Variants in YAP1 observed in about 807,000 individuals in gnomAD.
YAP1 encodes Yes1 associated transcriptional regulator.
Under a neutral mutation model 56.9 loss-of-function variants are expected in YAP1, and 5 were observed. The ratio of observed to expected loss-of-function variants is 0.09; its 90% CI spans 0.05 to 0.18. The LOEUF is 0.18. Ranked by LOEUF, YAP1 falls within the 10% of genes least tolerant of loss-of-function variation. The pLI is 1.00. For synonymous variants in YAP1, 265 were observed against 248.1 expected, an observed-to-expected ratio of 1.07 and a Z score of -0.64; for missense variants, 539 against 651.8, an observed-to-expected ratio of 0.83 and a Z score of 1.88.
intron 2 of YAP1, among the ~76,000 whole-genome samples, chr11:102,157,836 G>A (rs1462452982): frequency 3.9e-5 from 6 of 152,270 alleles, no homozygotes; most frequent in Admixed American, 3.9e-4. Context: ...CATCAAAAGT[G>A]CATGTTTGGG....
chr11:102,158,688 T>C (rs1000011885), intron 2 of YAP1, among the ~76,000 whole-genome samples: 1 of 152,350 alleles, frequency 6.6e-6, no homozygotes, highest in African/African-American at 2.4e-5. Context: ...TTTTTAGTTA[T>C]TTATTTTACT....
chr11:102,120,398 T>C (rs1943577190), intron 2 of YAP1, among the ~76,000 whole-genome samples: 1 of 152,226 alleles, frequency 6.6e-6, no homozygotes, highest in Non-Finnish European at 1.5e-5. Flanking sequence ...AGTGATAGTC[T>C]GTTGTTTCTT....
In YAP1 at chr11:102,231,484, T is replaced by C. The variant is rs1215020697; in HGVS notation, c.*1544T>C. On this transcript the variant is annotated 3_prime_UTR_variant, in exon 9 of 9. Transcript: ENST00000282441. ...TTAGCTGGAAAAGTGATCAGATTAA[T>C]AAATGTATATTGGTAGTTGAATTTA... The C allele has an allele frequency of 6.6e-6, 1 of 152,662 alleles. No homozygotes were observed. The highest frequency in any genetic ancestry group is 1.5e-5 in the Non-Finnish European group (1 of 68,040). The allele number at this position is 152,662 out of a possible 1,614,324, so 9.5% of individuals were successfully genotyped here. A position where few individuals can be genotyped will look rare whatever the true frequency, so the allele number is the denominator to read the frequency against.
At chr11:102,112,486 G>A (rs1271149034) in intron 1 of YAP1, 1 of 936,324 alleles carries the variant, frequency 1.1e-6, no homozygotes, top group African/African-American at 2.4e-5. Flanking sequence ...TAGGAACTTT[G>A]CCCAAAAGTT....
intron 3 of YAP1, among the ~76,000 whole-genome samples, chr11:102,168,203 AC>A (rs1671058663): frequency 6.6e-6 from 1 of 152,206 alleles, no homozygotes; most frequent in African/African-American, 2.4e-5. Flanking sequence ...GAAAAGTGAT[AC>A]TTCCTTAGCT....
chr11:102,121,147 A>G (rs908465166), intron 2 of YAP1, among the ~76,000 whole-genome samples: 1 of 152,208 alleles, frequency 6.6e-6, no homozygotes, highest in Admixed American at 6.5e-5. Context: ...AATTCCAGAA[A>G]TAATTCATGG....
At chr11:102,141,856 A>G (rs1945044425) in intron 2 of YAP1, among the ~76,000 whole-genome samples, 1 of 152,210 alleles carries the variant, frequency 6.6e-6, no homozygotes, top group Non-Finnish European at 1.5e-5. Context: ...ATATTTGAGA[A>G]TGTGGTGTGC....
At chr11:102,206,110 T>TG (rs756428658) in intron 5 of YAP1, 36 bp downstream of exon 5, 6 of 1,582,132 alleles carry the variant, frequency 3.8e-6, no homozygotes, top group Non-Finnish European at 5.2e-6. Flanking sequence ...CTTCCACTTT[T>TG]GGGGGTTTGT....
At chr11:102,220,952 C>T in intron 6 of YAP1, among the ~76,000 whole-genome samples, 1 of 152,208 alleles carries the variant, frequency 6.6e-6, no homozygotes, top group Non-Finnish European at 1.5e-5. Context: ...AAGAGAAACA[C>T]TGATCATCGT....
chr11:102,149,201 A>G (rs1454270445), intron 2 of YAP1, among the ~76,000 whole-genome samples: 2 of 152,210 alleles, frequency 1.3e-5, no homozygotes, highest in East Asian at 3.8e-4. Flanking sequence ...AATGCTATGT[A>G]ACCTGAGCAC....
At chr11:102,116,962 A>G (rs1353079375) in intron 2 of YAP1, among the ~76,000 whole-genome samples, 3 of 152,192 alleles carry the variant, frequency 2.0e-5, no homozygotes, top group South Asian at 4.1e-4. Context: ...AAAATTTTGT[A>G]TTTTAAAGAG....
In YAP1 at chr11:102,137,118, T is replaced by A. The variant is rs142729679; in HGVS notation, c.572+22724T>A. ...TAAAAACATCTGTCTCCTTTGCCCT[T>A]TAATGTAAATGTTTCTATAATCTGA... is the stretch of plus-strand genomic sequence containing the variant. On this transcript the variant is annotated intron_variant, in intron 2 of 8. Transcript: ENST00000282441. Among the ~76,000 whole-genome samples, 154 of 152,310 alleles carry A rather than the reference T, an allele frequency of 1.0e-3. 1 individual carries two copies. The highest frequency in any genetic ancestry group is 3.4e-3 in the Middle Eastern group (1 of 294).
intron 2 of YAP1, among the ~76,000 whole-genome samples, chr11:102,148,645 T>C (rs1831098677): frequency 6.6e-6 from 1 of 152,192 alleles, no homozygotes; most frequent in Non-Finnish European, 1.5e-5. Context: ...TCAATATATT[T>C]TTAAGATATT....
intron 6 of YAP1, among the ~76,000 whole-genome samples, chr11:102,211,010 C>T (rs551074721): frequency 3.5e-4 from 53 of 152,302 alleles, no homozygotes; most frequent in Non-Finnish European, 6.2e-4. Context: ...CCACCTCAGC[C>T]TCCCAAATTG....
At chr11:102,142,925 G>A (rs908543379) in intron 2 of YAP1, among the ~76,000 whole-genome samples, 2 of 152,170 alleles carry the variant, frequency 1.3e-5, no homozygotes, top group Non-Finnish European at 2.9e-5. Flanking sequence ...TTTGAAGTGA[G>A]AGCAACTGTA....
chr11:102,228,712 G>T (rs947177370), intron 8 of YAP1, among the ~76,000 whole-genome samples: 2 of 151,250 alleles, frequency 1.3e-5, no homozygotes, highest in African/African-American at 2.4e-5. Flanking sequence ...CCTCACAGGG[G>T]TAATTACGGA....
chr11:102,205,937 C>G lies in YAP1; in HGVS notation c.847C>G (p.Pro283Ala). ...TCAGAGTGCTCCAGTGAAACAGCCA[C>G]CACCCCTGGCTCCCCAGAGCCCACA... Reference protein sequence around the residue: ...ISQSAPVKQPPPLAPQSPQGG... With the variant: ...ISQSAPVKQPAPLAPQSPQGG... Residue 283 changes from proline (P) to alanine (A), a missense_variant, in exon 5 of 9, where the codon CCA becomes GCA. Around this residue, in one of 4 missense-constraint regions of YAP1, gnomAD observed 414 missense variants for 512.4 expected, o/e 0.81. Coordinates refer to ENST00000282441, the MANE Select transcript of YAP1 (RefSeq NM_001130145.3). 6.2e-7 allele frequency: 1 copy of G among 1,608,722 alleles called. No individual in the cohort carries two copies. The highest frequency in any genetic ancestry group is 8.5e-7 in the Non-Finnish European group (1 of 1,177,308).
chr11:102,179,472 T>C (rs1304333074), intron 3 of YAP1, among the ~76,000 whole-genome samples: 3 of 152,150 alleles, frequency 2.0e-5, no homozygotes, highest in African/African-American at 7.2e-5. Context: ...TTCTGGTAGA[T>C]TCTTAACCAT....
intron 2 of YAP1, among the ~76,000 whole-genome samples, chr11:102,132,812 G>T (rs1944445664): frequency 6.6e-6 from 1 of 152,160 alleles, no homozygotes; most frequent in African/African-American, 2.4e-5. Flanking sequence ...CCTGCAAATT[G>T]AATTAATAGT....
Sources: allele counts gnomAD v4.1 joint callset (sites outside exome capture counted in the v4.1 genomes callset), GRCh38; gene constraint gnomAD v4.1.1; regional missense constraint gnomAD v4.1.1; transcripts MANE v1.5; gene names NCBI Gene and HGNC (gene_info 2026-07-23, HGNC 2026-07-21).